The following AGBL4 variants were observed in gnomAD, a reference collection of about 807,000 sequenced individuals.
AGBL4 encodes the protein AGBL carboxypeptidase 4.
AGBL4 carries 58 observed loss-of-function variants against 66.4 expected under a neutral mutation model. The ratio of observed to expected loss-of-function variants is 0.87; its 90% CI spans 0.71 to 1.09. AGBL4 has a LOEUF of 1.09. Among genes scored for constraint, AGBL4 ranks in the 50% least tolerant of loss-of-function variants. AGBL4 has a pLI of 0.00. For synonymous variants in AGBL4, 234 were observed against 222.9 expected (o/e 1.05, Z -0.44); for missense variants, 579 against 631.0 (o/e 0.92, Z 0.88).
intron 5 of AGBL4, among the ~76,000 whole-genome samples, chr1:48,884,795 A>T (rs981330844): frequency 2.0e-5 from 3 of 152,162 alleles, no homozygotes; most frequent in African/African-American, 7.2e-5. Context: ...GCAAGAATTC[A>T]GCAGCTGGCT....
At chr1:49,699,926 A>C (rs1571354500) in intron 2 of AGBL4, among the ~76,000 whole-genome samples, 2 of 151,856 alleles carry the variant, frequency 1.3e-5, no homozygotes, top group East Asian at 3.9e-4. Flanking sequence ...AAAAAAGTTA[A>C]CTATATGAGA....
chr1:48,752,381 G>A (rs1651881261), intron 6 of AGBL4, among the ~76,000 whole-genome samples: 1 of 152,206 alleles, frequency 6.6e-6, no homozygotes, highest in African/African-American at 2.4e-5. Context: ...GAGAGCTAGA[G>A]ATGGGAAGAT....
chr1:49,196,004 G>A (rs986312999), intron 4 of AGBL4, among the ~76,000 whole-genome samples: 8 of 152,016 alleles, frequency 5.3e-5, no homozygotes, highest in Admixed American at 2.0e-4. Context: ...CTCTCCTGCC[G>A]CCATGTGAAG....
At chr1:49,502,848 G>A (rs929349550) in intron 3 of AGBL4, among the ~76,000 whole-genome samples, 1 of 152,050 alleles carries the variant, frequency 6.6e-6, no homozygotes, top group African/African-American at 2.4e-5. Context: ...GCACTCAAGA[G>A]GTGACAGAGC....
At chr1:49,758,056 C>G (rs1237293798) in intron 2 of AGBL4, among the ~76,000 whole-genome samples, 2 of 152,154 alleles carry the variant, frequency 1.3e-5, no homozygotes, top group African/African-American at 2.4e-5. Flanking sequence ...ACATGGTGCC[C>G]TGCATCCCAG....
chr1:49,779,540 A>C (rs761694175), intron 2 of AGBL4, among the ~76,000 whole-genome samples: 1 of 152,108 alleles, frequency 6.6e-6, no homozygotes, highest in African/African-American at 2.4e-5. Flanking sequence ...AAAAGCACTG[A>C]GTAAGAGTGG....
intron 1 of AGBL4, chr1:49,995,461 A>G (rs758675705): frequency 8.3e-6 from 3 of 362,476 alleles, no homozygotes; most frequent in Non-Finnish European, 1.6e-5. Flanking sequence ...GCTGAGAACC[A>G]CAACCCCATA....
At chr1:49,603,527 A>AAAATAAATAAATAAAT (rs59509776) in intron 3 of AGBL4, among the ~76,000 whole-genome samples, 4 of 140,590 alleles carry the variant, frequency 2.8e-5, no homozygotes, top group Admixed American at 7.2e-5. Context: ...TCCATCTCAA[A>AAAATAAATAAATAAAT]AAATAAATAA....
intron 1 of AGBL4, among the ~76,000 whole-genome samples, chr1:49,901,799 C>A (rs1245013076): frequency 6.6e-6 from 1 of 152,168 alleles, no homozygotes; most frequent in Admixed American, 6.5e-5. Flanking sequence ...TATTTCAAGG[C>A]CACAGTAACC....
intron 4 of AGBL4, among the ~76,000 whole-genome samples, chr1:49,178,223 C>T (rs1345590483): frequency 2.6e-5 from 4 of 152,228 alleles, no homozygotes; most frequent in Middle Eastern, 3.4e-3. Context: ...CAATATAATG[C>T]ATATTATAAT....
chr1:49,109,484 T>TC (rs772663163), intron 4 of AGBL4, among the ~76,000 whole-genome samples: 8 of 152,172 alleles, frequency 5.3e-5, no homozygotes, highest in Non-Finnish European at 1.0e-4. Context: ...TCTCACCTTC[T>TC]CCGTCCTTCC....
rs77359365 is a variant in AGBL4, at chr1:49,241,069, T to C, written c.377+4701A>G. On this transcript the variant is annotated intron_variant, in intron 4 of 13. Transcript: ENST00000371839. ...TCCATTATCCCTGAAAACCATCCAC[T>C]TGTTTTATCACTACTGTTACCAACC... Among the ~76,000 whole-genome samples the C allele has an allele frequency of 1.7e-3, 262 of 152,146 alleles. 1 individual carries two copies. The highest frequency in any genetic ancestry group is 5.9e-3 in the African/African-American group (246 of 41,534).
intron 4 of AGBL4, among the ~76,000 whole-genome samples, chr1:49,062,295 C>T (rs1226634829): frequency 6.6e-6 from 1 of 152,160 alleles, no homozygotes; most frequent in Non-Finnish European, 1.5e-5. Context: ...CTAGGAAATC[C>T]TCCTTCCACC....
At chr1:49,370,008 T>C (rs1327512690) in intron 3 of AGBL4, among the ~76,000 whole-genome samples, 1 of 150,882 alleles carries the variant, frequency 6.6e-6, no homozygotes, top group Non-Finnish European at 1.5e-5. Context: ...CACATCGGCT[T>C]TCCTGGGTCT....
chr1:49,789,144 T>A (rs1644531022), intron 2 of AGBL4, among the ~76,000 whole-genome samples: 1 of 152,208 alleles, frequency 6.6e-6, no homozygotes, highest in Non-Finnish European at 1.5e-5. Context: ...GGATTACATT[T>A]ATTGATTTGA....
At chr1:50,019,539 G>A (rs942812052) in intron 1 of AGBL4, among the ~76,000 whole-genome samples, 3 of 151,754 alleles carry the variant, frequency 2.0e-5, no homozygotes, top group Non-Finnish European at 4.4e-5. Context: ...TCATTTCTAA[G>A]GCGTTTTACA....
chr1:48,659,800 C>T (rs2148451828), intron 7 of AGBL4, among the ~76,000 whole-genome samples: 1 of 152,370 alleles, frequency 6.6e-6, no homozygotes, highest in South Asian at 2.1e-4. Context: ...CGGCCATGTG[C>T]TCCATTAGTG....
At position 48,936,547 on chromosome 1, in the gene AGBL4, AC is replaced by A. The variant is rs1288136347; in HGVS notation, c.595-69318del. On this transcript the variant is annotated intron_variant, in intron 5 of 13. Coordinates refer to ENST00000371839, the MANE Select transcript of AGBL4 (RefSeq NM_032785.4). Reference sequence around the variant, plus strand: ...CCTCAGCTCCACACAGCTCAGAAGAACTGCACTCTGATGGTTGATTGTAACA... The same window carrying A: ...CCTCAGCTCCACACAGCTCAGAAGAATGCACTCTGATGGTTGATTGTAACA... 4.6e-5 allele frequency among the ~76,000 whole-genome samples: 7 copies of A among 152,236 alleles called. No individual in the cohort carries two copies. The East Asian group carries it at 1.4e-3, about 29-fold the overall frequency.
In AGBL4 at chr1:49,844,672, C is replaced by T. The variant is rs576409086; in HGVS notation, c.157+6724G>A. 1.4e-4 allele frequency: 225 copies of T among 1,580,692 alleles called. 2 individuals are homozygous for T. The South Asian group carries it at 1.9e-3, about 14-fold the overall frequency. ...TGGAACAGAGATTAAGGGACATTTC[C>T]AGTTTTTGCTTCTTTCAGACTTGGA... On this transcript the variant is annotated intron_variant, in intron 2 of 13. Coordinates refer to ENST00000371839, the MANE Select transcript of AGBL4 (RefSeq NM_032785.4).
Sources: gnomAD v4.1 joint callset for allele counts (sites outside exome capture counted in the v4.1 genomes callset) on GRCh38, gnomAD v4.1.1 for gene constraint, MANE v1.5 for transcripts, NCBI Gene and HGNC (gene_info 2026-07-23, HGNC 2026-07-21) for gene names.